Variants in RIMKLA observed in about 807,000 individuals in gnomAD.
RIMKLA encodes the protein N-acetylaspartylglutamate synthase A.
In RIMKLA, 14 loss-of-function variants were observed where a neutral mutation model predicts 32.7. The observed-to-expected ratio is 0.43, with a 90% CI of 0.28 to 0.67. The LOEUF (loss-of-function observed/expected upper bound fraction) is 0.67, where lower values mean the gene tolerates loss of function less well. Ranked by LOEUF, RIMKLA falls within the 30% of genes least tolerant of loss-of-function variation. The pLI, the probability that RIMKLA is intolerant of heterozygous loss-of-function variation, is 0.18. For missense variants in RIMKLA, 410 were observed against 519.0 expected, an observed-to-expected ratio of 0.79 and a Z score of 2.04; for synonymous variants, 176 against 204.1, an observed-to-expected ratio of 0.86 and a Z score of 1.18.
chr1:42,412,991 G>T (rs189685095), intron 4 of RIMKLA, among the ~76,000 whole-genome samples: 64 of 151,880 alleles, frequency 4.2e-4, no homozygotes, highest in African/African-American at 1.4e-3. Context: ...AAAATTAGCT[G>T]GGCGTGGTGG....
intron 2 of RIMKLA, among the ~76,000 whole-genome samples, chr1:42,403,728 C>T (rs1362934714): frequency 6.6e-6 from 1 of 152,150 alleles, no homozygotes; most frequent in African/African-American, 2.4e-5. Context: ...CCATTGATTA[C>T]CTCGTAGTTT....
In RIMKLA at chr1:42,380,914, G is replaced by C; in HGVS notation, c.-21G>C. On this transcript the variant is annotated 5_prime_UTR_variant, in exon 1 of 5. Transcript: ENST00000431473. ...GGCGCCGAGGGGTCCGCGCCGCGCG[G>C]GGCGCACCGCCCTGGCCGCCATGTG... The C allele has an allele frequency of 7.5e-7, 1 of 1,329,212 alleles. No homozygotes were observed. The highest frequency in any genetic ancestry group is 3.1e-5 in the East Asian group (1 of 32,302). The allele number at this position is 1,329,212 out of a possible 1,614,324, so 82.3% of individuals were successfully genotyped here.
chr1:42,412,148 G>C (rs1643203911), intron 4 of RIMKLA, among the ~76,000 whole-genome samples: 1 of 152,222 alleles, frequency 6.6e-6, no homozygotes, highest in Non-Finnish European at 1.5e-5. Flanking sequence ...TTTAGATACA[G>C]TGTCATAGGT....
At chr1:42,409,506 G>A (rs1373305598) in intron 3 of RIMKLA, among the ~76,000 whole-genome samples, 1 of 152,090 alleles carries the variant, frequency 6.6e-6, no homozygotes, top group Non-Finnish European at 1.5e-5. Flanking sequence ...ATCTAGACTT[G>A]GAATTTCTCT....
intron 1 of RIMKLA, among the ~76,000 whole-genome samples, chr1:42,388,972 G>C (rs1642974528): frequency 1.3e-5 from 2 of 152,192 alleles, no homozygotes; most frequent in African/African-American, 4.8e-5. Flanking sequence ...AGACGAGATT[G>C]TTGGGCTAGA....
At position 42,423,188 on chromosome 1, in the gene RIMKLA, A is replaced by G. The variant is rs1643308374; in HGVS notation, c.*8214A>G. Among the ~76,000 whole-genome samples the G allele has an allele frequency of 6.6e-6, 1 of 152,198 alleles. No individual in the cohort carries two copies. The highest frequency in any genetic ancestry group is 1.9e-4 in the East Asian group (1 of 5,190). On this transcript the variant is annotated 3_prime_UTR_variant, in exon 5 of 5. Transcript: ENST00000431473. ...AGTCCAAATTGAGGTCAGAGCATCA[A>G]AGGGATAGTGCTTGATTGCTGCAGC...
intron 2 of RIMKLA, among the ~76,000 whole-genome samples, chr1:42,402,980 C>A (rs1643113703): frequency 6.6e-6 from 1 of 152,090 alleles, no homozygotes; most frequent in Non-Finnish European, 1.5e-5. Flanking sequence ...GTTGTTTGAA[C>A]CACCAAGTTG....
At chr1:42,399,704 A>G (rs1337278471) in intron 2 of RIMKLA, 70 bp downstream of exon 2, 2 of 944,134 alleles carry the variant, frequency 2.1e-6, no homozygotes, top group Non-Finnish European at 1.6e-6. Context: ...ACCTTCTAGT[A>G]TCTTTGTTGC....
At chr1:42,389,527 C>G (rs10047066) in intron 1 of RIMKLA, among the ~76,000 whole-genome samples, 93,382 of 151,648 alleles carry the variant, frequency 0.62, 29,157 homozygotes, top group African/African-American at 0.68. Context: ...AATGTTGCTG[C>G]TAGGCCAGAC....
intron 1 of RIMKLA, among the ~76,000 whole-genome samples, chr1:42,383,092 G>T (rs1010465097): frequency 6.6e-6 from 1 of 151,008 alleles, no homozygotes; most frequent in Non-Finnish European, 1.5e-5. Context: ...CACCATGTTG[G>T]TCAGGCTGGT....
At chr1:42,397,696 TC>T (rs1179275976) in intron 1 of RIMKLA, among the ~76,000 whole-genome samples, 1 of 152,066 alleles carries the variant, frequency 6.6e-6, no homozygotes, top group Non-Finnish European at 1.5e-5. Context: ...CTGTACTCCA[TC>T]CTGAGCGATA....
intron 1 of RIMKLA, among the ~76,000 whole-genome samples, chr1:42,388,180 C>T (rs1642966477): frequency 6.6e-6 from 1 of 152,106 alleles, no homozygotes; most frequent in African/African-American, 2.4e-5. Flanking sequence ...TGCTTTTACT[C>T]TGGATGAGCT....
chr1:42,421,150 G>A lies in RIMKLA; in HGVS notation c.*6176G>A, dbSNP rs1261348044. On this transcript the variant is annotated 3_prime_UTR_variant, in exon 5 of 5. Transcript: ENST00000431473. This position sits in a 1 kb window ranked among gnomAD's most constrained non-coding sequence, Gnocchi z 4.6. ...CATCCTTGAGATTTTATGACGCTAT[G>A]TGCAAGATCTAGCGAACGTATTTGG... The A allele has an allele frequency of 6.6e-6, 1 of 152,276 alleles. No individual in the cohort carries two copies. Among genetic ancestry groups the A allele is most frequent in the Non-Finnish European group, 1.5e-5 (1 of 68,076 alleles). 9.4% of individuals were successfully genotyped at this position (152,276 alleles called of 1,614,324 possible). A position where few individuals can be genotyped will look rare whatever the true frequency, so the allele number is the denominator to read the frequency against.
chr1:42,406,968 C>T (rs1021916139), intron 3 of RIMKLA, among the ~76,000 whole-genome samples: 1 of 151,182 alleles, frequency 6.6e-6, no homozygotes, highest in Non-Finnish European at 1.5e-5. Flanking sequence ...TGCAATGGTG[C>T]GATCTTGTCT....
rs1465165727 is a variant in RIMKLA, at chr1:42,414,751, C to T, written c.953C>T (p.Ser318Leu). The change falls in exon 5 of 5, where the codon TCG becomes TTG. Residue 318 changes from serine to leucine, a missense_variant. Ser to Leu is a moderately radical substitution (Grantham distance 145). Transcript: ENST00000431473. ...TGKMAVLPGL[S>L]SPREKNEPDG... Reference sequence around the variant, plus strand: ...AAGATGGCTGTCCTCCCAGGACTGTCGAGTCCAAGGGAGAAGAACGAGCCG... The same window carrying T: ...AAGATGGCTGTCCTCCCAGGACTGTTGAGTCCAAGGGAGAAGAACGAGCCG... 14 of 1,614,120 alleles carry T rather than the reference C, an allele frequency of 8.7e-6. No homozygotes were observed. Among genetic ancestry groups the T allele is most frequent in the East Asian group, 2.2e-5 (1 of 44,868 alleles).
chr1:42,403,721 T>C (rs1643120248), intron 2 of RIMKLA, among the ~76,000 whole-genome samples: 2 of 152,326 alleles, frequency 1.3e-5, no homozygotes, highest in South Asian at 2.1e-4. Flanking sequence ...ATGATACCCA[T>C]TGATTACCTC....
At chr1:42,399,183 C>T (rs1178328620) in intron 1 of RIMKLA, among the ~76,000 whole-genome samples, 1 of 152,056 alleles carries the variant, frequency 6.6e-6, no homozygotes, top group East Asian at 1.9e-4. Context: ...GATATGCTTT[C>T]TTTCTGGTCA....
intron 1 of RIMKLA, among the ~76,000 whole-genome samples, chr1:42,390,664 G>C (rs1285858870): frequency 6.6e-6 from 1 of 152,184 alleles, no homozygotes; most frequent in Admixed American, 6.5e-5. Flanking sequence ...GGAAGAATGA[G>C]AAGATGGGAC....
rs1643268625 is a variant in RIMKLA at position 42,418,368 on chromosome 1, A to G, written c.*3394A>G. ...TTTAGGTCTTTCGGATCTCAGAAAC[A>G]ATATAAGTAGATCATAAGCCACTAG... On this transcript the variant is annotated 3_prime_UTR_variant, in exon 5 of 5. Transcript: ENST00000431473. 6.6e-6 allele frequency: 1 copy of G among 152,178 alleles called. No homozygotes were observed. The highest frequency in any genetic ancestry group is 6.5e-5 in the Admixed American group (1 of 15,278). 9.4% of individuals were successfully genotyped at this position (152,178 alleles called of 1,614,324 possible). A position where few individuals can be genotyped will look rare whatever the true frequency, so the allele number is the denominator to read the frequency against.
Sources: allele counts gnomAD v4.1 joint callset (sites outside exome capture counted in the v4.1 genomes callset), GRCh38; gene constraint gnomAD v4.1.1; non-coding constraint Gnocchi (gnomAD v3.1); transcripts MANE v1.5; gene names NCBI Gene and HGNC (gene_info 2026-07-23, HGNC 2026-07-21).